GAD1: variants seen among roughly 807,000 people sequenced by gnomAD.
GAD1 encodes 67 kDa glutamic acid decarboxylase.
GAD1 carries 35 observed loss-of-function variants against 75.2 expected under a neutral mutation model. That is an observed-to-expected ratio of 0.47 (90% CI 0.36 to 0.62). The LOEUF is 0.62. GAD1 is among the 20% of genes least tolerant of loss of function. GAD1 has a pLI of 0.00. For synonymous variants in GAD1, 257 were observed against 271.9 expected (o/e 0.95, Z 0.54); for missense variants, 490 against 758.5 (o/e 0.65, Z 4.16).
rs1456896884 is a variant in GAD1 at position 170,842,864 on chromosome 2, A to G, written c.639-1181A>G. On this transcript the variant is annotated intron_variant, in intron 6 of 16. Transcript: ENST00000358196. ...AACTTAGTAGCTTCACCTGTGTCTT[A>G]TGTAAAACAATAGTTATCTCATCCT... The G allele has an allele frequency of 8.2e-6, 6 of 730,302 alleles. No individual in the cohort carries two copies. The East Asian group carries it at 1.8e-4, about 21-fold the overall frequency. The allele number at this position is 730,302 out of a possible 1,614,324, so 45.2% of individuals were successfully genotyped here.
At chr2:170,823,509 G>T (rs1296983729) in intron 3 of GAD1, among the ~76,000 whole-genome samples, 1 of 152,216 alleles carries the variant, frequency 6.6e-6, no homozygotes, top group Non-Finnish European at 1.5e-5. Flanking sequence ...CGAAAGCCCA[G>T]CCCTGCCGCC....
chr2:170,857,214 A>G (rs1040754744), intron 15 of GAD1, 89 bp downstream of exon 15: 6 of 988,816 alleles, frequency 6.1e-6, no homozygotes, highest in South Asian at 3.9e-5. Flanking sequence ...TGGGAAAATC[A>G]ATCCCATGTT....
Position 170,859,806 on chromosome 2 carries a change from T to C in GAD1, c.1709T>C (p.Ile570Thr). 1 of 1,614,106 alleles carries C rather than the reference T, an allele frequency of 6.2e-7. No homozygotes were observed. Among genetic ancestry groups the C allele is most frequent in the Non-Finnish European group, 8.5e-7 (1 of 1,180,018 alleles). ...GDKANFFRMV[I>T]SNPAATQSDI... ...AAGGCCAACTTCTTCCGGATGGTCA[T>C]CTCCAACCCAGCCGCTACCCAGTCT... is the stretch of plus-strand genomic sequence containing the variant. Residue 570 changes from isoleucine (I) to threonine (T), a missense_variant, in exon 17 of 17, where the codon ATC (isoleucine) becomes ACC (threonine). This residue lies in a region of GAD1 where 324 missense variants were observed against 523.9 expected (regional missense o/e 0.62). Coordinates refer to ENST00000358196, the MANE Select transcript of GAD1 (RefSeq NM_000817.3).
In GAD1 at chr2:170,845,753, T is replaced by A. The variant is rs1256122364; in HGVS notation, c.915T>A (p.Thr305=). ...CTGGGGCTGCACTTGGCTTTGGAAC[T>A]GACAATGTGATTTTGATAAAGTGCA... is the stretch of plus-strand genomic sequence containing the variant. ...KKAGAALGFG[T]DNVILIKCNE... The change falls in exon 9 of 17, where the codon ACT becomes ACA. Residue 305 remains threonine (T), a synonymous_variant. Coordinates refer to ENST00000358196, the MANE Select transcript of GAD1 (RefSeq NM_000817.3). 14 of 1,614,158 alleles carry A rather than the reference T, an allele frequency of 8.7e-6. No individual in the cohort carries two copies. Among genetic ancestry groups the A allele is most frequent in the Non-Finnish European group, 1.1e-5 (13 of 1,180,014 alleles).
chr2:170,843,359 G>A (rs1292891204), intron 6 of GAD1, among the ~76,000 whole-genome samples: 3 of 152,104 alleles, frequency 2.0e-5, no homozygotes, highest in Non-Finnish European at 4.4e-5. Context: ...CCGTCTTCTT[G>A]TTATTTATAA....
Position 170,844,035 on chromosome 2 carries a change from A to G in GAD1, c.639-10A>G. On this transcript the variant is annotated splice_polypyrimidine_tract_variant and intron_variant, in intron 6 of 16. Transcript: ENST00000358196. Reference sequence around the variant, plus strand: ...ATTTTCTTTCATCCTTCTTCTTACCACCTTTCCAGGTTTACATATGAAATT... The same window carrying G: ...ATTTTCTTTCATCCTTCTTCTTACCGCCTTTCCAGGTTTACATATGAAATT... 1 of 1,427,292 alleles carries G rather than the reference A, an allele frequency of 7.0e-7. No homozygotes were observed. Among genetic ancestry groups the G allele is most frequent in the Admixed American group, 1.7e-5 (1 of 59,724 alleles). 88.4% of individuals were successfully genotyped at this position (1,427,292 alleles called of 1,614,324 possible).
intron 3 of GAD1, chr2:170,829,173 A>G (rs1702153142): frequency 2.3e-6 from 1 of 433,578 alleles, no homozygotes; most frequent in Admixed American, 3.5e-5. Context: ...TGGTCACTGG[A>G]GTGGAAGCTG....
chr2:170,815,506 G>A (rs568272489), upstream of GAD1, among the ~76,000 whole-genome samples: 1 of 152,280 alleles, frequency 6.6e-6, no homozygotes, highest in East Asian at 1.9e-4. Context: ...ATATTTTTGT[G>A]TGTGTTTCCA....
chr2:170,834,918 C>T (rs573179319), intron 5 of GAD1, among the ~76,000 whole-genome samples: 26 of 152,058 alleles, frequency 1.7e-4, no homozygotes, highest in Admixed American at 1.3e-3. Context: ...TATAGGTGCA[C>T]GCCACCATGC....
chr2:170,856,684 C>T (rs1021228708), intron 14 of GAD1, among the ~76,000 whole-genome samples: 102 of 152,192 alleles, frequency 6.7e-4, no homozygotes, highest in African/African-American at 2.4e-3. Context: ...TTTCTACACT[C>T]ATTTGATTGT....
chr2:170,827,317 C>T (rs891048229), intron 3 of GAD1, among the ~76,000 whole-genome samples: 3 of 152,224 alleles, frequency 2.0e-5, no homozygotes, highest in Non-Finnish European at 4.4e-5. Flanking sequence ...CGTGTGACTC[C>T]GCAAGTTTCT....
chr2:170,832,258 GCT>G (rs1465668775), intron 5 of GAD1, among the ~76,000 whole-genome samples: 1 of 152,188 alleles, frequency 6.6e-6, no homozygotes, highest in Non-Finnish European at 1.5e-5. Flanking sequence ...TGCTGGCTAT[GCT>G]CTCTCTGATG....
intron 3 of GAD1, among the ~76,000 whole-genome samples, chr2:170,822,489 C>A (rs1343027266): frequency 6.6e-6 from 1 of 152,242 alleles, no homozygotes; most frequent in Non-Finnish European, 1.5e-5. Context: ...CAGCTCCCAC[C>A]CGGTGCCGTG....
intron 5 of GAD1, among the ~76,000 whole-genome samples, chr2:170,832,878 G>C (rs1251046786): frequency 2.6e-5 from 4 of 152,160 alleles, no homozygotes; most frequent in Admixed American, 2.6e-4. Context: ...CCAGTTCAAG[G>C]ACTTTGGGGC....
upstream of GAD1, among the ~76,000 whole-genome samples, chr2:170,815,845 TC>T (rs1283814268): frequency 6.6e-6 from 1 of 152,208 alleles, no homozygotes; most frequent in Non-Finnish European, 1.5e-5. Flanking sequence ...TGGGCTCCGC[TC>T]GGGCGCTGGC....
rs145583470 is a variant in GAD1 at position 170,849,089 on chromosome 2, G to A, written c.1120-197G>A. The A allele has an allele frequency of 3.1e-5, 20 of 655,384 alleles. No homozygotes were observed. The African/African-American group carries it at 3.2e-4, about 10-fold the overall frequency. 40.6% of individuals were successfully genotyped at this position (655,384 alleles called of 1,614,324 possible). A position where few individuals can be genotyped will look rare whatever the true frequency, so the allele number is the denominator to read the frequency against. On this transcript the variant is annotated intron_variant, in intron 11 of 16. Coordinates refer to ENST00000358196, the MANE Select transcript of GAD1 (RefSeq NM_000817.3). The stretch of plus-strand genomic sequence containing the variant: ...TCACTTGTGCAGCTAAAGTCCAGAG[G>A]AACTTTGAAAAAGAAATGACAAGCA...
chr2:170,829,330 G>C, intron 3 of GAD1, 145 bp from the exon 4 acceptor site: 1 of 924,024 alleles, frequency 1.1e-6, no homozygotes, highest in Non-Finnish European at 1.7e-6. Flanking sequence ...AGCAGTGCCA[G>C]AGCCACTGTA....
At chr2:170,831,634 G>GTA (rs1553576167) in intron 5 of GAD1, among the ~76,000 whole-genome samples, 2,243 of 132,042 alleles carry the variant, frequency 0.017, 34 homozygotes, top group Non-Finnish European at 0.023. Context: ...GTGTGTGTGT[G>GTA]TATATACCTA....
At chr2:170,832,666 A>G (rs1212613978) in intron 5 of GAD1, among the ~76,000 whole-genome samples, 95 of 21,946 alleles carry the variant, frequency 4.3e-3, no homozygotes, top group African/African-American at 7.8e-3. Flanking sequence ...GCGCGCGCGC[A>G]CACACACACA....
Sources: allele counts gnomAD v4.1 joint callset (sites outside exome capture counted in the v4.1 genomes callset), GRCh38; gene constraint gnomAD v4.1.1; regional missense constraint gnomAD v4.1.1; transcripts MANE v1.5; gene names NCBI Gene and HGNC (gene_info 2026-07-23, HGNC 2026-07-21).